The following MGRN1 variants were observed in gnomAD, a reference collection of about 807,000 sequenced individuals.
MGRN1 encodes mahogunin ring finger 1, also known as E3 ubiquitin-protein ligase MGRN1.
A neutral mutation model predicts 69.2 loss-of-function variants in MGRN1; 29 were observed. That is an observed-to-expected ratio of 0.42 (90% CI 0.31 to 0.57). The LOEUF (loss-of-function observed/expected upper bound fraction) is 0.57. Among genes scored for constraint, MGRN1 ranks in the 20% least tolerant of loss-of-function variants. The pLI, the probability that MGRN1 is intolerant of heterozygous loss-of-function variation, is 0.15. For missense variants in MGRN1, 998 were observed against 796.2 expected (o/e 1.25, Z -3.05); for synonymous variants, 470 against 344.2 (o/e 1.37, Z -4.04).
chr16:4,656,970 C>T (rs1280005913), intron 4 of MGRN1, among the ~76,000 whole-genome samples: 1 of 152,138 alleles, frequency 6.6e-6, no homozygotes, highest in Non-Finnish European at 1.5e-5. Flanking sequence ...AGCACAGCTA[C>T]ACTGGGGAGG....
intron 7 of MGRN1, among the ~76,000 whole-genome samples, chr16:4,666,607 T>TA (rs2078811458): frequency 1.3e-5 from 2 of 152,214 alleles, no homozygotes; most frequent in Admixed American, 1.3e-4. Context: ...GCAATGTTGT[T>TA]ACCTCCTCGG....
intron 4 of MGRN1, 69 bp downstream of exon 4, chr16:4,652,893 A>G (rs1596282948): frequency 2.0e-6 from 3 of 1,470,398 alleles, no homozygotes; most frequent in East Asian, 5.0e-5. Context: ...GCTTCTGTCC[A>G]CCTTACTAAC....
chr16:4,684,464 G>A (rs73521431), intron 16 of MGRN1, among the ~76,000 whole-genome samples: 1,605 of 152,352 alleles, frequency 0.011, 27 homozygotes, highest in African/African-American at 0.037. Flanking sequence ...CGCAGGGGCA[G>A]TGTCTTCTGG....
At chr16:4,673,796 A>G (rs2078994814) in intron 10 of MGRN1, 139 bp downstream of exon 10, 1 of 1,154,100 alleles carries the variant, frequency 8.7e-7, no homozygotes, top group African/African-American at 1.5e-5. Flanking sequence ...TCTGTGCTGA[A>G]CGTGGGCGTG....
At chr16:4,626,509 C>G (rs1487492503) in intron 1 of MGRN1, among the ~76,000 whole-genome samples, 1 of 152,190 alleles carries the variant, frequency 6.6e-6, no homozygotes, top group Non-Finnish European at 1.5e-5. Context: ...TTATACAGCC[C>G]TCAGAACCAC....
intron 14 of MGRN1, 36 bp downstream of exon 14, chr16:4,682,982 C>G: frequency 3.3e-6 from 5 of 1,506,100 alleles, no homozygotes; most frequent in Non-Finnish European, 2.7e-6. Context: ...CGCACCCGCC[C>G]GGGCCAGCCC....
intron 8 of MGRN1, among the ~76,000 whole-genome samples, chr16:4,668,577 AC>A (rs1019951415): frequency 1.3e-5 from 2 of 151,524 alleles, no homozygotes; most frequent in Non-Finnish European, 2.9e-5. Context: ...ACACACTCAT[AC>A]AGACACGACA....
rs1447487108 is a variant in MGRN1, at chr16:4,685,088, C to T, written c.1618+1156C>T. Among the ~76,000 whole-genome samples, 5 of 152,240 alleles carry T rather than the reference C, an allele frequency of 3.3e-5. No homozygotes were observed. The East Asian group carries it at 9.6e-4, about 29-fold the overall frequency. On this transcript the variant is annotated intron_variant, in intron 16 of 16. Coordinates refer to ENST00000262370, the MANE Select transcript of MGRN1 (RefSeq NM_015246.4). ...TCTGGTGCCCTGATGACCACAGCGG[C>T]CTGCCCCGAACAACTCACAGCAGAA...
intron 16 of MGRN1, chr16:4,687,423 T>C: frequency 3.4e-6 from 3 of 893,650 alleles, no homozygotes; most frequent in Non-Finnish European, 4.0e-6. Context: ...CTTGTGCCTG[T>C]GGTCCCAGCT....
Position 4,664,706 on chromosome 16 carries a change from C to T in MGRN1, c.562-3C>T, listed in dbSNP as rs1596298480. On this transcript the variant is annotated splice_region_variant and splice_polypyrimidine_tract_variant and intron_variant, in intron 5 of 16. Transcript: ENST00000262370. ...TGACCATTCTTGGCAACTCTCTCCTCAGCTGAACTTTGACCTGGACCGGGG... is the reference window on the plus strand; with the variant it reads ...TGACCATTCTTGGCAACTCTCTCCTTAGCTGAACTTTGACCTGGACCGGGG... The T allele has an allele frequency of 1.2e-6, 2 of 1,614,208 alleles. No individual in the cohort carries two copies. Among genetic ancestry groups the T allele is most frequent in the Non-Finnish European group, 1.7e-6 (2 of 1,180,046 alleles).
chr16:4,682,413 G>A (rs544612893), intron 13 of MGRN1, among the ~76,000 whole-genome samples: 2 of 152,308 alleles, frequency 1.3e-5, no homozygotes, highest in South Asian at 4.1e-4. Context: ...GTCGGTTCTC[G>A]TAGAAGAGTG....
At chr16:4,670,790 AG>A (rs1488641010) in intron 8 of MGRN1, among the ~76,000 whole-genome samples, 1 of 152,234 alleles carries the variant, frequency 6.6e-6, no homozygotes, top group Non-Finnish European at 1.5e-5. Context: ...AGTGATGGTC[AG>A]GGCCTTGTGT....
chr16:4,669,978 G>T (rs1169406122), intron 8 of MGRN1, among the ~76,000 whole-genome samples: 3 of 151,940 alleles, frequency 2.0e-5, no homozygotes, highest in Non-Finnish European at 4.4e-5. Flanking sequence ...TACTGTTGGG[G>T]CGCATAAGAC....
rs541242318 is a variant in MGRN1 at position 4,672,052 on chromosome 16, C to T, written c.795+593C>T. Among the ~76,000 whole-genome samples, 10 of 152,126 alleles carry T rather than the reference C, an allele frequency of 6.6e-5. No individual in the cohort carries two copies. The East Asian group carries it at 9.7e-4, about 15-fold the overall frequency. On this transcript the variant is annotated intron_variant, in intron 9 of 16. Coordinates refer to ENST00000262370, the MANE Select transcript of MGRN1 (RefSeq NM_015246.4). ...TCCTGAGTAGCTGGGACCACAGGCA[C>T]GCGCCACCACACCCGGCTAATTTTT...
intron 10 of MGRN1, among the ~76,000 whole-genome samples, chr16:4,676,328 T>C (rs1389502407): frequency 6.6e-6 from 1 of 152,226 alleles, no homozygotes; most frequent in East Asian, 1.9e-4. Flanking sequence ...GAAGGTTCTC[T>C]GTGCCTGCCC....
intron 1 of MGRN1, among the ~76,000 whole-genome samples, chr16:4,642,487 TG>T (rs1215970145): frequency 1.1e-4 from 16 of 151,686 alleles, no homozygotes; most frequent in Non-Finnish European, 5.9e-5. Flanking sequence ...TGTGTGTGTG[TG>T]TGTGTGTGTG....
chr16:4,629,725 G>A (rs1004696535), intron 1 of MGRN1, among the ~76,000 whole-genome samples: 20 of 148,024 alleles, frequency 1.4e-4, no homozygotes, highest in African/African-American at 1.3e-4. Flanking sequence ...GTGAAAGAGC[G>A]AGACACCGTC....
chr16:4,683,371 C>T (rs970087653), intron 15 of MGRN1, 102 bp downstream of exon 15: 2 of 1,395,650 alleles, frequency 1.4e-6, no homozygotes, highest in African/African-American at 2.9e-5. Context: ...AGCACCTCTT[C>T]TGCCCCAGGA....
intron 1 of MGRN1, among the ~76,000 whole-genome samples, chr16:4,627,946 G>A (rs1319965111): frequency 6.7e-6 from 1 of 150,052 alleles, no homozygotes; most frequent in Non-Finnish European, 1.5e-5. Flanking sequence ...TGGGTGTGGT[G>A]GCGGGCACCT....
Sources: gnomAD v4.1 joint callset for allele counts (sites outside exome capture counted in the v4.1 genomes callset) on GRCh38, gnomAD v4.1.1 for gene constraint, MANE v1.5 for transcripts, NCBI Gene and HGNC (gene_info 2026-07-23, HGNC 2026-07-21) for gene names.